GSE1: variants seen among roughly 807,000 people sequenced by gnomAD.
GSE1 encodes genetic suppressor element 1.
GSE1 carries 32 observed loss-of-function variants against 112.6 expected under a neutral mutation model. The observed-to-expected ratio is 0.28, with a 90% CI of 0.21 to 0.38. The LOEUF is 0.38. Ranked by LOEUF, GSE1 falls within the 10% of genes least tolerant of loss-of-function variation. The pLI, the probability that GSE1 is intolerant of heterozygous loss-of-function variation, is 1.00. For missense variants in GSE1, 2,348 were observed against 1,699.2 expected, an observed-to-expected ratio of 1.38 and a Z score of -6.71; for synonymous variants, 1,115 against 735.6, an observed-to-expected ratio of 1.52 and a Z score of -8.35.
At chr16:85,273,503 G>A (rs1909055046) in intron 1 of GSE1, among the ~76,000 whole-genome samples, 1 of 152,188 alleles carries the variant, frequency 6.6e-6, no homozygotes, top group African/African-American at 2.4e-5. Flanking sequence ...GATCCATGGT[G>A]CAGCATGGAT....
chr16:85,485,573 G>A (rs557526183), intron 2 of GSE1, among the ~76,000 whole-genome samples: 56 of 152,356 alleles, frequency 3.7e-4, no homozygotes, highest in South Asian at 1.2e-3. Flanking sequence ...CCGCCGCCGC[G>A]TTAAGGACAG....
chr16:85,624,869 G>A (rs570458375), intron 1 of GSE1, among the ~76,000 whole-genome samples: 7 of 152,358 alleles, frequency 4.6e-5, no homozygotes, highest in African/African-American at 1.7e-4. Flanking sequence ...CGGCCGGCAT[G>A]GGTGAGCCCC....
chr16:85,173,255 A>G (rs1054104504), intron 1 of GSE1, among the ~76,000 whole-genome samples: 5 of 152,242 alleles, frequency 3.3e-5, no homozygotes, highest in Admixed American at 1.3e-4. Context: ...CAAGACTCAG[A>G]TAAGTCAGAC....
intron 1 of GSE1, among the ~76,000 whole-genome samples, chr16:85,175,002 C>T (rs1293814316): frequency 2.6e-5 from 4 of 152,204 alleles, no homozygotes; most frequent in African/African-American, 7.2e-5. Context: ...CAGCTGGGGA[C>T]GTGGCATGTC....
At chr16:85,575,809 G>A (rs1380685296) in intron 1 of GSE1, among the ~76,000 whole-genome samples, 4 of 151,856 alleles carry the variant, frequency 2.6e-5, no homozygotes, top group East Asian at 1.9e-4. Context: ...TGTAGAGATC[G>A]CTTTTCTAGG....
At chr16:85,191,931 GGTGGGC>G (rs1265610778) in intron 1 of GSE1, among the ~76,000 whole-genome samples, 1 of 152,216 alleles carries the variant, frequency 6.6e-6, no homozygotes, top group Non-Finnish European at 1.5e-5. Context: ...GGCAGGCATG[GGTGGGC>G]GTGTGCAGAG....
chr16:85,309,894 T>C (rs2045788206), intron 1 of GSE1, among the ~76,000 whole-genome samples: 1 of 152,208 alleles, frequency 6.6e-6, no homozygotes, highest in African/African-American at 2.4e-5. Context: ...GGCGCCCCCT[T>C]GCCACCCCCT....
chr16:85,389,460 C>CAAAAAAA (rs59509773), intron 2 of GSE1, among the ~76,000 whole-genome samples: 13 of 77,838 alleles, frequency 1.7e-4, no homozygotes, highest in Non-Finnish European at 3.4e-4. Flanking sequence ...ACTCTGTCTC[C>CAAAAAAA]AAAAAAAAAA....
chr16:85,401,754 G>T (rs892539777), intron 2 of GSE1, among the ~76,000 whole-genome samples: 1 of 152,236 alleles, frequency 6.6e-6, no homozygotes. Context: ...GGTTACTGGG[G>T]TTGATACCCG....
intron 1 of GSE1, among the ~76,000 whole-genome samples, chr16:85,241,384 T>C (rs1347796850): frequency 6.6e-6 from 1 of 152,234 alleles, no homozygotes; most frequent in Non-Finnish European, 1.5e-5. Flanking sequence ...CCTCTCTGTC[T>C]CTGCCCCACC....
chr16:85,432,986 A>G lies in GSE1; in HGVS notation c.2464+75343A>G, dbSNP rs2049157111. On this transcript the variant is annotated intron_variant, in intron 2 of 2. Coordinates refer to the GSE1 transcript ENST00000637419. ...CTAGAGCGGTCACACTGTGGATGGA[A>G]GAGCCCCGTTTTTATCTTGTGCTTT... is the stretch of plus-strand genomic sequence containing the variant. Among the ~76,000 whole-genome samples the G allele has an allele frequency of 2.0e-5, 3 of 152,022 alleles. No individual in the cohort carries two copies. The South Asian group carries it at 6.2e-4, about 32-fold the overall frequency.
chr16:85,192,343 T>A (rs1223975561), intron 1 of GSE1, among the ~76,000 whole-genome samples: 1 of 152,222 alleles, frequency 6.6e-6, no homozygotes, highest in African/African-American at 2.4e-5. Context: ...TTTCCCCATC[T>A]GTAAAGGTTA....
At chr16:85,652,968 G>A (rs913481898) in intron 3 of GSE1, among the ~76,000 whole-genome samples, 1 of 151,730 alleles carries the variant, frequency 6.6e-6, no homozygotes, top group Non-Finnish European at 1.5e-5. Flanking sequence ...GGAAGGGCCG[G>A]GTTCCCGTGG....
intron 13 of GSE1, among the ~76,000 whole-genome samples, chr16:85,667,730 A>G (rs1029543635): frequency 6.6e-6 from 1 of 152,194 alleles, no homozygotes; most frequent in Admixed American, 6.5e-5. Flanking sequence ...ATGGTGGCAC[A>G]TGCGTGTAAT....
intron 1 of GSE1, among the ~76,000 whole-genome samples, chr16:85,293,507 C>A (rs980997735): frequency 6.6e-6 from 1 of 152,156 alleles, no homozygotes; most frequent in Non-Finnish European, 1.5e-5. Flanking sequence ...GATTGAGCCC[C>A]TGCATTCCAG....
At chr16:85,616,784 T>TC (rs1290239523) in intron 1 of GSE1, among the ~76,000 whole-genome samples, 1 of 151,742 alleles carries the variant, frequency 6.6e-6, no homozygotes, top group Non-Finnish European at 1.5e-5. Context: ...CTGGCCTTTC[T>TC]CCCCCGGCTG....
At chr16:85,527,174 A>G (rs929496523) in intron 2 of GSE1, among the ~76,000 whole-genome samples, 3 of 152,164 alleles carry the variant, frequency 2.0e-5, no homozygotes, top group African/African-American at 7.2e-5. Flanking sequence ...GAGGCCTGTC[A>G]TGCTTCCCCC....
intron 1 of GSE1, among the ~76,000 whole-genome samples, chr16:85,284,240 C>T (rs929425869): frequency 1.3e-5 from 2 of 152,184 alleles, no homozygotes; most frequent in Admixed American, 6.5e-5. Context: ...CGACTCTTGG[C>T]GTGTAATCAC....
intron 1 of GSE1, among the ~76,000 whole-genome samples, chr16:85,562,360 C>G (rs938720757): frequency 6.6e-6 from 1 of 152,140 alleles, no homozygotes; most frequent in Non-Finnish European, 1.5e-5. Context: ...TGGTTCCCAC[C>G]CCCCCTGCCC....
Sources: allele counts gnomAD v4.1 joint callset (sites outside exome capture counted in the v4.1 genomes callset), GRCh38; gene constraint gnomAD v4.1.1; transcripts MANE v1.5; gene names NCBI Gene and HGNC (gene_info 2026-07-23, HGNC 2026-07-21).